OGFOD1: variants seen among roughly 807,000 people sequenced by gnomAD.
OGFOD1 encodes 2-oxoglutarate and iron dependent oxygenase domain containing 1.
Under a neutral mutation model 67.7 loss-of-function variants are expected in OGFOD1, and 54 were observed. The ratio of observed to expected loss-of-function variants is 0.80; its 90% confidence interval spans 0.64 to 1.00. The LOEUF is 1.00. Ranked by LOEUF, OGFOD1 falls within the 50% of genes least tolerant of loss-of-function variation. The probability of loss-of-function intolerance (pLI) is 0.00; values close to 1 mark genes in which losing one functional copy is unlikely to be tolerated. For missense variants in OGFOD1, 606 were observed against 646.7 expected, an observed-to-expected ratio of 0.94 and a Z score of 0.68; for synonymous variants, 221 against 227.0, an observed-to-expected ratio of 0.97 and a Z score of 0.24.
At chr16:56,453,938 G>A (rs1962424472) in intron 2 of OGFOD1, among the ~76,000 whole-genome samples, 1 of 152,220 alleles carries the variant, frequency 6.6e-6, no homozygotes, top group Non-Finnish European at 1.5e-5. Context: ...TAGAGATAGT[G>A]AAGAAACAAA....
chr16:56,467,869 T>G, intron 7 of OGFOD1, 36 bp from the exon 8 acceptor site: 1 of 956,828 alleles, frequency 1.0e-6, no homozygotes, highest in African/African-American at 1.6e-5. Context: ...ATAGGAATTA[T>G]TAACTCACAT....
chr16:56,452,825 T>A (rs1180574925), intron 1 of OGFOD1, among the ~76,000 whole-genome samples: 1 of 152,160 alleles, frequency 6.6e-6, no homozygotes, highest in Non-Finnish European at 1.5e-5. Context: ...CTGATTTTTT[T>A]TTTAAGTACA....
intron 2 of OGFOD1, chr16:56,453,628 T>C: frequency 2.6e-6 from 1 of 379,090 alleles, no homozygotes; most frequent in Non-Finnish European, 4.8e-6. Context: ...GCCTGCCCTG[T>C]AAGACTTTAA....
At chr16:56,453,465 G>A (rs2143962704) in intron 2 of OGFOD1, 57 bp downstream of exon 2, 10 of 1,554,322 alleles carry the variant, frequency 6.4e-6, no homozygotes, top group Non-Finnish European at 8.8e-6. Flanking sequence ...TGTCTATGAA[G>A]TCATTGAATA....
rs1288108295 is a variant in OGFOD1, at chr16:56,462,566, T to A, written c.380T>A (p.Leu127His). The change falls in exon 4 of 13, where the codon CTT becomes CAT. Residue 127 changes from leucine to histidine, a missense_variant. Leu to His is a moderately conservative substitution (Grantham distance 99). Transcript: ENST00000566157. ...CTGTTTGAAGATTTCCGGTCCTGGC[T>A]TTCTGATATTTCTAAAATTGACCTG... ...KILFEDFRSW[L>H]SDISKIDLES... 3.7e-6 allele frequency: 6 copies of A among 1,612,896 alleles called. No individual in the cohort carries two copies. Among genetic ancestry groups the A allele is most frequent in the African/African-American group, 1.3e-5 (1 of 74,908 alleles).
rs1415541856 is a variant in OGFOD1, at chr16:56,478,450, C to T, written c.*2245C>T. 2 of 152,194 alleles carry T rather than the reference C, an allele frequency of 1.3e-5. No homozygotes were observed. Among genetic ancestry groups the T allele is most frequent in the African/African-American group, 4.8e-5 (2 of 41,442 alleles). The allele number at this position is 152,194 out of a possible 1,614,324, so 9.4% of individuals were successfully genotyped here. On this transcript the variant is annotated 3_prime_UTR_variant, in exon 13 of 13. Coordinates refer to ENST00000566157, the MANE Select transcript of OGFOD1 (RefSeq NM_018233.4). ...GAATACTGTTACTAATGGTTAATGT[C>T]ACAGCTTGCCTTTTCTATATTCCAG...
chr16:56,458,320 A>G (rs746907009), intron 2 of OGFOD1: 1 of 529,494 alleles, frequency 1.9e-6, no homozygotes, highest in African/African-American at 1.9e-5. Flanking sequence ...AAACTAGACT[A>G]TAATAACGAC....
At chr16:56,453,094 G>C (rs74535849) in intron 1 of OGFOD1, among the ~76,000 whole-genome samples, 169 bp from the exon 2 acceptor site, 6,314 of 152,156 alleles carry the variant, frequency 0.041, 155 homozygotes, top group East Asian at 0.13. Flanking sequence ...GTATTTAATG[G>C]GTAAAGAAGA....
chr16:56,457,864 G>C (rs1188283595), intron 2 of OGFOD1, among the ~76,000 whole-genome samples: 1 of 152,066 alleles, frequency 6.6e-6, no homozygotes, highest in Non-Finnish European at 1.5e-5. Flanking sequence ...ATTTTTAGTA[G>C]AGACAGGGTT....
chr16:56,474,889 A>T lies in OGFOD1; in HGVS notation c.1347A>T (p.Leu449Phe), dbSNP rs781284877. ...ATTGGAAGACCGGTCACTACACTTT[A>T]ATTCATGACCATAGCAAGGCTGAAT... is the stretch of plus-strand genomic sequence containing the variant. ...LRHWKTGHYT[L>F]IHDHSKAEFA... The change falls in exon 11 of 13, where the codon TTA becomes TTT. Residue 449 changes from leucine to phenylalanine, a missense_variant. By Grantham distance (22) the Leu-to-Phe change is conservative. Transcript: ENST00000566157. The T allele has an allele frequency of 3.1e-6, 5 of 1,613,330 alleles. No individual in the cohort carries two copies. The Admixed American group carries it at 8.3e-5, about 27-fold the overall frequency.
chr16:56,455,395 T>A lies in OGFOD1; in HGVS notation c.300+1987T>A, dbSNP rs549467600. 1.1e-4 allele frequency among the ~76,000 whole-genome samples: 16 copies of A among 148,414 alleles called. No homozygotes were observed. In the East Asian group the frequency reaches 2.6e-3, roughly 24 times the overall value. Reference sequence around the variant, plus strand: ...AAAAAAAAAACAAAACTGGAAGATATAAGGCAAAATAATAAAAAGAGCCTT... The same window carrying A: ...AAAAAAAAAACAAAACTGGAAGATAAAAGGCAAAATAATAAAAAGAGCCTT... On this transcript the variant is annotated intron_variant, in intron 2 of 12. Coordinates refer to ENST00000566157, the MANE Select transcript of OGFOD1 (RefSeq NM_018233.4).
At chr16:56,467,442 T>G (rs1962952977) in intron 7 of OGFOD1, 149 bp downstream of exon 7, 1 of 912,948 alleles carries the variant, frequency 1.1e-6, no homozygotes. Flanking sequence ...TTTTTTTTTT[T>G]TTGAGACAGA....
chr16:56,461,060 A>G (rs112536847), intron 3 of OGFOD1, among the ~76,000 whole-genome samples: 32 of 152,318 alleles, frequency 2.1e-4, no homozygotes, highest in African/African-American at 7.7e-4. Flanking sequence ...AACACTCATC[A>G]TTATTGCCAT....
chr16:56,466,238 G>A lies in OGFOD1; in HGVS notation c.535G>A (p.Gly179Ser). ...GGTTCCTCCCTGGGACAGGAGCATGGGTGGTACCCTGGACCTGTACAGCAT... is the reference window on the plus strand; with the variant it reads ...GGTTCCTCCCTGGGACAGGAGCATGAGTGGTACCCTGGACCTGTACAGCAT... ...YLVPPWDRSM[G>S]GTLDLYSIDE... Residue 179 changes from glycine (G) to serine (S), a missense_variant, in exon 5 of 13, where the codon GGT becomes AGT. Transcript: ENST00000566157. 1 of 1,613,786 alleles carries A rather than the reference G, an allele frequency of 6.2e-7. No individual in the cohort carries two copies. The highest frequency in any genetic ancestry group is 1.3e-5 in the African/African-American group (1 of 75,026).
intron 3 of OGFOD1, among the ~76,000 whole-genome samples, chr16:56,461,767 C>T (rs1217637731): frequency 2.6e-5 from 4 of 152,128 alleles, no homozygotes; most frequent in Admixed American, 1.3e-4. Flanking sequence ...TAAGCCCACA[C>T]ATTTGGCATT....
chr16:56,458,185 C>A, intron 2 of OGFOD1: 1 of 245,290 alleles, frequency 4.1e-6, no homozygotes, highest in Non-Finnish European at 8.0e-6. Context: ...TAATTGCAAA[C>A]CACTCCCCAG....
intron 4 of OGFOD1, among the ~76,000 whole-genome samples, chr16:56,463,403 T>TTG (rs1962789050): frequency 7.3e-6 from 1 of 137,180 alleles, no homozygotes; most frequent in Non-Finnish European, 1.6e-5. Context: ...TTTTTTTTTT[T>TTG]TTTTTTTTTT....
rs376117732 is a variant in OGFOD1 at position 56,453,301 on chromosome 16, G to A, written c.193G>A (p.Val65Met). The change falls in exon 2 of 13, where the codon GTG becomes ATG. Residue 65 changes from valine (V) to methionine (M), a missense_variant. Coordinates refer to ENST00000566157, the MANE Select transcript of OGFOD1 (RefSeq NM_018233.4). ...VMDMDPFLHC[V>M]IPNFIQSQDF... The stretch of plus-strand genomic sequence containing the variant: ...GGACATGGACCCTTTTCTTCACTGT[G>A]TGATCCCAAACTTCATCCAAAGCCA... 6.2e-7 allele frequency: 1 copy of A among 1,614,090 alleles called. No homozygotes were observed. Among genetic ancestry groups the A allele is most frequent in the Non-Finnish European group, 8.5e-7 (1 of 1,179,978 alleles).
chr16:56,452,587 T>C (rs1962378170), intron 1 of OGFOD1, among the ~76,000 whole-genome samples: 1 of 152,190 alleles, frequency 6.6e-6, no homozygotes, highest in Non-Finnish European at 1.5e-5. Flanking sequence ...TAGAAAACGA[T>C]AGCTTAGTGT....
Sources: allele counts gnomAD v4.1 joint callset (sites outside exome capture counted in the v4.1 genomes callset), GRCh38; gene constraint gnomAD v4.1.1; transcripts MANE v1.5; gene names NCBI Gene and HGNC (gene_info 2026-07-23, HGNC 2026-07-21).